The following APOBEC3G variants were observed in gnomAD, a reference collection of about 807,000 sequenced individuals.
APOBEC3G encodes the protein apolipoprotein B mRNA editing enzyme catalytic subunit 3G.
APOBEC3G carries 44 observed loss-of-function variants against 50.0 expected under a neutral mutation model. That is an observed-to-expected ratio of 0.88 (90% CI 0.69 to 1.13). The LOEUF (loss-of-function observed/expected upper bound fraction) is 1.13, where lower values mean the gene tolerates loss of function less well. Ranked by LOEUF, APOBEC3G falls within the 50% of genes most tolerant of loss-of-function variation. APOBEC3G has a pLI of 0.00. For missense variants in APOBEC3G, 469 were observed against 492.0 expected, an observed-to-expected ratio of 0.95 and a Z score of 0.44; for synonymous variants, 156 against 175.3, an observed-to-expected ratio of 0.89 and a Z score of 0.87.
At chr22:39,078,834 G>A in intron 1 of APOBEC3G, 98 bp from the exon 2 acceptor site, 3 of 1,513,658 alleles carry the variant, frequency 2.0e-6, no homozygotes, top group South Asian at 1.3e-5. Flanking sequence ...GATGGGGGAG[G>A]CCTAGAGCCG....
intron 6 of APOBEC3G, 33 bp from the exon 7 acceptor site, chr22:39,086,978 G>C: frequency 6.4e-7 from 1 of 1,571,620 alleles, no homozygotes; most frequent in African/African-American, 1.3e-5. Context: ...TCCCACAGCG[G>C]GAGTGTGACT....
chr22:39,080,656 C>A, intron 2 of APOBEC3G: 1 of 443,110 alleles, frequency 2.3e-6, no homozygotes, highest in Non-Finnish European at 4.1e-6. Context: ...TGAAGTCGCC[C>A]TTGAATAACC....
At chr22:39,078,813 G>T in intron 1 of APOBEC3G, 119 bp from the exon 2 acceptor site, 1 of 1,403,836 alleles carries the variant, frequency 7.1e-7, no homozygotes, top group East Asian at 2.5e-5. Context: ...AAATTCTCAG[G>T]GGAGGGGAGG....
chr22:39,077,013 C>T (rs1350304956), upstream of APOBEC3G: 1 of 407,124 alleles, frequency 2.5e-6, no homozygotes, highest in Non-Finnish European at 4.5e-6. Flanking sequence ...TTGTGCTCTG[C>T]TGGCTCAGCC....
rs1283776234 is a variant in APOBEC3G at position 39,079,413 on chromosome 22, G to A, written c.171+328G>A. 3.9e-5 allele frequency: 9 copies of A among 229,430 alleles called. No homozygotes were observed. In the South Asian group the frequency reaches 5.4e-4, roughly 14 times the overall value. 14.2% of individuals were successfully genotyped at this position (229,430 alleles called of 1,614,324 possible). A position where few individuals can be genotyped will look rare whatever the true frequency, so the allele number is the denominator to read the frequency against. ...GCTCACAGCAACCTCTGCCTCCTGG[G>A]TTCAAGCGATGCTGTCGCCTCAGAC... On this transcript the variant is annotated intron_variant, in intron 2 of 7. Coordinates refer to ENST00000407997, the MANE Select transcript of APOBEC3G (RefSeq NM_021822.4).
rs1246780507 is a variant in APOBEC3G, at chr22:39,087,597, T to C, written c.*176T>C. On this transcript the variant is annotated 3_prime_UTR_variant, in exon 8 of 8. Transcript: ENST00000407997. ...TCTTTTAAAAATTAGAGTGCATTAC[T>C]TTGAATCAAAAATTTATTTATATTT... 6.4e-6 allele frequency: 8 copies of C among 1,240,952 alleles called. No individual in the cohort carries two copies. The East Asian group carries it at 1.8e-4, about 27-fold the overall frequency. 76.9% of individuals were successfully genotyped at this position (1,240,952 alleles called of 1,614,324 possible).
Position 39,086,277 on chromosome 22 carries a change from A to T in APOBEC3G, c.736-2A>T. On this transcript the variant is annotated splice_acceptor_variant, in intron 5 of 7. Transcript: ENST00000407997. LOFTEE classifies it high-confidence loss of function. Reference sequence around the variant, plus strand: ...TACCTCATGGCTTGCTTTCTTTTCTAGGCTCCACATAAACACGGTTTCCTT... The same window carrying T: ...TACCTCATGGCTTGCTTTCTTTTCTTGGCTCCACATAAACACGGTTTCCTT... 4 of 1,559,580 alleles carry T rather than the reference A, an allele frequency of 2.6e-6. No individual in the cohort carries two copies. The highest frequency in any genetic ancestry group is 1.2e-5 in the South Asian group (1 of 83,986).
intron 1 of APOBEC3G, 52 bp downstream of exon 1, chr22:39,077,430 G>A (rs1256104709): frequency 6.4e-7 from 1 of 1,565,474 alleles, no homozygotes; most frequent in South Asian, 1.2e-5. Context: ...CTTCTTGCCT[G>A]GTGGCTCTGC....
intron 5 of APOBEC3G, among the ~76,000 whole-genome samples, chr22:39,085,217 A>G (rs1422030136): frequency 1.3e-5 from 2 of 152,144 alleles, no homozygotes; most frequent in Non-Finnish European, 2.9e-5. Flanking sequence ...GCCCTTCCCA[A>G]TGTGGGGTTA....
At chr22:39,087,249 T>G (rs1290640297) in intron 7 of APOBEC3G, 123 bp downstream of exon 7, 13 of 1,598,290 alleles carry the variant, frequency 8.1e-6, no homozygotes, top group Non-Finnish European at 1.0e-5. Flanking sequence ...AGGGCACCTG[T>G]CTCTGTCCCT....
chr22:39,081,844 C>A, intron 4 of APOBEC3G: 1 of 430,402 alleles, frequency 2.3e-6, no homozygotes, highest in South Asian at 3.0e-5. Flanking sequence ...CCTCCATCCA[C>A]CCCCACAGCC....
chr22:39,080,120 A>C (rs2146293676), intron 2 of APOBEC3G: 1 of 248,656 alleles, frequency 4.0e-6, no homozygotes. Context: ...TCAAGTACTC[A>C]GTAGTCCCTT....
intron 5 of APOBEC3G, among the ~76,000 whole-genome samples, chr22:39,084,136 C>A (rs1004936002): frequency 6.6e-6 from 1 of 152,172 alleles, no homozygotes; most frequent in Non-Finnish European, 1.5e-5. Context: ...TCCAGAGTCA[C>A]CCCCAGGTCC....
At chr22:39,078,836 C>A in intron 1 of APOBEC3G, 96 bp from the exon 2 acceptor site, 1 of 1,522,562 alleles carries the variant, frequency 6.6e-7, no homozygotes, top group Admixed American at 2.1e-5. Context: ...TGGGGGAGGC[C>A]TAGAGCCGTC....
Position 39,083,881 on chromosome 22 carries a change from C to G in APOBEC3G, c.732C>G (p.Asn244Lys). Residue 244 changes from asparagine (N) to lysine (K), a missense_variant, in exon 5 of 8, where the codon AAC becomes AAG. Coordinates refer to ENST00000407997, the MANE Select transcript of APOBEC3G (RefSeq NM_021822.4). ...ACCAGCGCAGGGGCTTTCTATGCAA[C>G]CAGGTGACCAACCCAGCCACCCGCA... is the stretch of plus-strand genomic sequence containing the variant. ...LLNQRRGFLCNQAPHKHGFLE... is the reference protein window; with the variant it reads ...LLNQRRGFLCKQAPHKHGFLE... 1 of 1,612,588 alleles carries G rather than the reference C, an allele frequency of 6.2e-7. No homozygotes were observed. The highest frequency in any genetic ancestry group is 8.5e-7 in the Non-Finnish European group (1 of 1,179,070).
In APOBEC3G at chr22:39,087,112, C is replaced by T. The variant is rs776778876; in HGVS notation, c.1126C>T (p.Arg376Trp). ...CAGCCAAGACCTGAGTGGGAGGCTG[C>T]GGGCCATTCTCCAGGTGAGGGCTTC... is the stretch of plus-strand genomic sequence containing the variant. ...EHSQDLSGRL[R>W]AILQNQEN is the part of the protein sequence containing the mutation. The change falls in exon 7 of 8, where the codon CGG becomes TGG. Residue 376 changes from arginine (R) to tryptophan (W), a missense_variant. Physicochemically the swap from Arg to Trp is moderately radical, Grantham distance 101. Coordinates refer to ENST00000407997, the MANE Select transcript of APOBEC3G (RefSeq NM_021822.4). The T allele has an allele frequency of 3.2e-5, 52 of 1,613,838 alleles. No homozygotes were observed. Among genetic ancestry groups the T allele is most frequent in the Admixed American group, 8.3e-5 (5 of 59,990 alleles).
rs1928407327 is a variant in APOBEC3G, at chr22:39,080,873, AC to A, written c.172-56del. 4.0e-6 allele frequency: 3 copies of A among 744,756 alleles called. No individual in the cohort carries two copies. The South Asian group carries it at 6.4e-5, about 16-fold the overall frequency. The allele number at this position is 744,756 out of a possible 1,614,324, so 46.1% of individuals were successfully genotyped here. A position where few individuals can be genotyped will look rare whatever the true frequency, so the allele number is the denominator to read the frequency against. On this transcript the variant is annotated intron_variant, in intron 2 of 7. Coordinates refer to ENST00000407997, the MANE Select transcript of APOBEC3G (RefSeq NM_021822.4). ...TCCTGGCCCCTCCTCCCCCTGCCCC[AC>A]CCCTGCTCTCCTCCTGCTCCCCCTC...
chr22:39,077,387 G>C lies in APOBEC3G; in HGVS notation c.17+9G>C. 4.4e-6 allele frequency: 7 copies of C among 1,581,746 alleles called. No homozygotes were observed. Among genetic ancestry groups the C allele is most frequent in the Non-Finnish European group, 6.0e-6 (7 of 1,163,560 alleles). Reference sequence around the variant, plus strand: ...ATGAAGCCTCACTTCAGGTACCGCTGCCCGCTCTACCCACTGGGCCCCTCT... The same window carrying C: ...ATGAAGCCTCACTTCAGGTACCGCTCCCCGCTCTACCCACTGGGCCCCTCT... On this transcript the variant is annotated intron_variant, in intron 1 of 7. Transcript: ENST00000407997.
chr22:39,079,266 G>A lies in APOBEC3G; in HGVS notation c.171+181G>A, dbSNP rs147965363. ...CGTCCTGGGATCGGATCGTGGAGGG[G>A]GTTTGCCTCTGCACAAAAGGCCTTG... On this transcript the variant is annotated intron_variant, in intron 2 of 7. Coordinates refer to ENST00000407997, the MANE Select transcript of APOBEC3G (RefSeq NM_021822.4). The A allele has an allele frequency of 1.7e-5, 15 of 872,770 alleles. No homozygotes were observed. The African/African-American group carries it at 2.6e-4, about 15-fold the overall frequency. 54.1% of individuals were successfully genotyped at this position (872,770 alleles called of 1,614,324 possible).
Sources: allele counts gnomAD v4.1 joint callset (sites outside exome capture counted in the v4.1 genomes callset), GRCh38; gene constraint gnomAD v4.1.1; transcripts MANE v1.5; gene names NCBI Gene and HGNC (gene_info 2026-07-23, HGNC 2026-07-21).